LUZP2: variants seen among roughly 807,000 people sequenced by gnomAD.
LUZP2 encodes the protein leucine zipper protein 2.
A neutral mutation model predicts 51.6 loss-of-function variants in LUZP2; 52 were observed. The ratio of observed to expected loss-of-function variants is 1.01; its 90% CI spans 0.81 to 1.27. LUZP2 has a LOEUF of 1.27. Ranked by LOEUF, LUZP2 falls within the 50% of genes most tolerant of loss-of-function variation. The pLI, the probability that LUZP2 is intolerant of heterozygous loss-of-function variation, is 0.00. For missense variants in LUZP2, 436 were observed against 395.4 expected (o/e 1.10, Z -0.87); for synonymous variants, 154 against 137.3 (o/e 1.12, Z -0.85).
At chr11:24,915,851 ATC>A (rs1318649369) in intron 7 of LUZP2, among the ~76,000 whole-genome samples, 44 of 152,120 alleles carry the variant, frequency 2.9e-4, no homozygotes, top group Non-Finnish European at 1.5e-5. Context: ...GCACAAAAGT[ATC>A]TATTAACACA....
At chr11:24,572,021 G>T (rs1379837407) in intron 1 of LUZP2, among the ~76,000 whole-genome samples, 1 of 151,740 alleles carries the variant, frequency 6.6e-6, no homozygotes, top group Non-Finnish European at 1.5e-5. Flanking sequence ...TTTCACTCTG[G>T]ATTCTTAAGA....
intron 1 of LUZP2, among the ~76,000 whole-genome samples, chr11:24,712,497 C>T (rs150888599): frequency 2.2e-4 from 33 of 152,202 alleles, no homozygotes; most frequent in African/African-American, 7.0e-4. Context: ...ATCTGTGATA[C>T]AAAATTACTA....
At chr11:24,537,390 A>G (rs978472793) in intron 1 of LUZP2, among the ~76,000 whole-genome samples, 3 of 151,988 alleles carry the variant, frequency 2.0e-5, no homozygotes, top group African/African-American at 4.8e-5. Context: ...AAACAAGTTA[A>G]TATGTTGACA....
At chr11:24,966,710 C>T (rs931681445) in intron 7 of LUZP2, among the ~76,000 whole-genome samples, 1 of 147,070 alleles carries the variant, frequency 6.8e-6, no homozygotes, top group African/African-American at 2.5e-5. Flanking sequence ...ATTATATACA[C>T]ATATAATGTG....
chr11:24,567,139 C>T (rs768720450), intron 1 of LUZP2, among the ~76,000 whole-genome samples: 34 of 149,574 alleles, frequency 2.3e-4, no homozygotes, highest in Admixed American at 1.1e-3. Flanking sequence ...CTATGTCCAG[C>T]CAAAAAATTA....
intron 9 of LUZP2, 45 bp from the exon 10 acceptor site, chr11:25,049,993 T>C: frequency 8.9e-7 from 1 of 1,124,590 alleles, no homozygotes; most frequent in Non-Finnish European, 1.3e-6. Flanking sequence ...ATTTCTCTTG[T>C]ATTTAGTGAT....
At chr11:25,010,872 T>C (rs751334782) in intron 9 of LUZP2, among the ~76,000 whole-genome samples, 1 of 151,818 alleles carries the variant, frequency 6.6e-6, no homozygotes, top group Non-Finnish European at 1.5e-5. Context: ...AACATAATAA[T>C]AACAACACTG....
chr11:24,576,597 A>T (rs1590200551), intron 1 of LUZP2, among the ~76,000 whole-genome samples: 2 of 152,044 alleles, frequency 1.3e-5, no homozygotes, highest in African/African-American at 4.8e-5. Context: ...TTAAAGAAAA[A>T]ACACGCGTAC....
chr11:24,696,410 A>T (rs573200361), intron 1 of LUZP2, among the ~76,000 whole-genome samples: 17 of 152,292 alleles, frequency 1.1e-4, no homozygotes, highest in African/African-American at 4.1e-4. Context: ...TAATTCAATT[A>T]TCTTTACAAT....
At chr11:25,078,337 A>G (rs1265822988) in intron 11 of LUZP2, among the ~76,000 whole-genome samples, 2 of 152,232 alleles carry the variant, frequency 1.3e-5, no homozygotes, top group Non-Finnish European at 1.5e-5. Context: ...ATAGTTTTTG[A>G]AATGTTTTGC....
chr11:24,941,751 T>C (rs1270998834), intron 7 of LUZP2, among the ~76,000 whole-genome samples: 2 of 152,194 alleles, frequency 1.3e-5, no homozygotes, highest in Non-Finnish European at 2.9e-5. Context: ...AAAAATTTAA[T>C]GTATTTATTG....
chr11:24,572,463 G>T (rs1390330590), intron 1 of LUZP2, among the ~76,000 whole-genome samples: 1 of 151,894 alleles, frequency 6.6e-6, no homozygotes, highest in Non-Finnish European at 1.5e-5. Flanking sequence ...TCTAATTATG[G>T]AGTTCATTAT....
chr11:24,734,732 T>C (rs573580545), intron 3 of LUZP2, among the ~76,000 whole-genome samples: 1 of 152,110 alleles, frequency 6.6e-6, no homozygotes, highest in Non-Finnish European at 1.5e-5. Context: ...AAATCTGACT[T>C]ATTAGTAAAC....
intron 1 of LUZP2, among the ~76,000 whole-genome samples, chr11:24,652,561 A>C (rs751782162): frequency 1.8e-4 from 28 of 152,158 alleles, no homozygotes; most frequent in Non-Finnish European, 4.4e-5. Context: ...TCCTCATGCA[A>C]AGTGAAAGAC....
intron 5 of LUZP2, among the ~76,000 whole-genome samples, chr11:24,777,288 C>T (rs369625410): frequency 1.3e-5 from 2 of 152,000 alleles, no homozygotes; most frequent in African/African-American, 2.4e-5. Flanking sequence ...CCACCGCGCC[C>T]GGCCTGTAAG....
At chr11:24,866,528 C>CT (rs35971787) in intron 5 of LUZP2, among the ~76,000 whole-genome samples, 126,729 of 150,886 alleles carry the variant, frequency 0.84, 53,377 homozygotes, top group East Asian at 0.92. Flanking sequence ...TAAAACAACA[C>CT]TTTTTTTTTG....
chr11:25,061,219 G>A (rs1313690424), intron 10 of LUZP2, among the ~76,000 whole-genome samples: 1 of 152,066 alleles, frequency 6.6e-6, no homozygotes, highest in African/African-American at 2.4e-5. Context: ...TCTGCACTAC[G>A]CTGTGATTGT....
At chr11:25,000,425 G>A (rs1405665691) in intron 9 of LUZP2, among the ~76,000 whole-genome samples, 4 of 152,140 alleles carry the variant, frequency 2.6e-5, no homozygotes, top group Non-Finnish European at 4.4e-5. Context: ...TCAGGCCAGG[G>A]AAAGGGCCAG....
chr11:24,908,769 T>G (rs1356838810), intron 6 of LUZP2, among the ~76,000 whole-genome samples: 2 of 149,836 alleles, frequency 1.3e-5, no homozygotes, highest in African/African-American at 4.9e-5. Context: ...TTTTTTTTTT[T>G]TTTTGAGACT....
Sources: gnomAD v4.1 joint callset for allele counts (sites outside exome capture counted in the v4.1 genomes callset) on GRCh38, gnomAD v4.1.1 for gene constraint, MANE v1.5 for transcripts, NCBI Gene and HGNC (gene_info 2026-07-23, HGNC 2026-07-21) for gene names.